The following RPS6KA2 variants were observed in gnomAD, a reference collection of about 807,000 sequenced individuals.
RPS6KA2 encodes the protein ribosomal protein S6 kinase alpha-2.
RPS6KA2 carries 42 observed loss-of-function variants against 91.8 expected under a neutral mutation model. The observed-to-expected ratio is 0.46, with a 90% confidence interval of 0.36 to 0.59. The LOEUF is 0.59. Among genes scored for constraint, RPS6KA2 ranks in the 20% least tolerant of loss-of-function variants. RPS6KA2 has a pLI of 0.00. For synonymous variants in RPS6KA2, 414 were observed against 393.6 expected (o/e 1.05, Z -0.61); for missense variants, 798 against 978.5 (o/e 0.82, Z 2.46).
intron 2 of RPS6KA2, among the ~76,000 whole-genome samples, chr6:166,682,805 C>T (rs193029924): frequency 3.3e-4 from 50 of 152,336 alleles, no homozygotes; most frequent in African/African-American, 1.1e-3. Flanking sequence ...ATGACCACCA[C>T]CTACCTCAGT....
At chr6:166,842,849 T>C (rs1422475290) in intron 2 of RPS6KA2, among the ~76,000 whole-genome samples, 1 of 152,188 alleles carries the variant, frequency 6.6e-6, no homozygotes, top group African/African-American at 2.4e-5. Context: ...TCGTGAACTT[T>C]TGTTCCAAGA....
Position 166,412,639 on chromosome 6 carries a change from G to GCC in RPS6KA2, c.*122_*123insGG. The GCC allele has an allele frequency of 1.0e-6, 1 of 988,844 alleles. No individual in the cohort carries two copies. The highest frequency in any genetic ancestry group is 1.8e-5 in the South Asian group (1 of 56,612). The allele number at this position is 988,844 out of a possible 1,614,324, so 61.3% of individuals were successfully genotyped here. On this transcript the variant is annotated 3_prime_UTR_variant, in exon 21 of 21. Coordinates refer to ENST00000265678, the MANE Select transcript of RPS6KA2 (RefSeq NM_021135.6). The surrounding 1 kb of genome is among the most constrained non-coding windows in gnomAD (Gnocchi z 4.3). ...CTGAAAAAGAAAACACGGACACGGCGAGGGCGGGCGCCGCCTCCCTGCTGG... is the reference window on the plus strand; with the variant it reads ...CTGAAAAAGAAAACACGGACACGGCGCCAGGGCGGGCGCCGCCTCCCTGCTGG...
Position 166,437,659 on chromosome 6 carries a change from G to T in RPS6KA2, c.1333-5169C>A, listed in dbSNP as rs35260027. On this transcript the variant is annotated intron_variant, in intron 14 of 20. Coordinates refer to ENST00000265678, the MANE Select transcript of RPS6KA2 (RefSeq NM_021135.6). The surrounding 1 kb of genome is among the most constrained non-coding windows in gnomAD (Gnocchi z 4.3). The stretch of plus-strand genomic sequence containing the variant: ...CTTCCTTAGAGATGCTGAGTCTAGG[G>T]GTCTGAATATCCACGAAGCAATTCT... Among the ~76,000 whole-genome samples, 19,196 of 152,166 alleles carry T rather than the reference G, an allele frequency of 0.13. 1,373 individuals are homozygous for T. The highest frequency in any genetic ancestry group is 0.19 in the Middle Eastern group (57 of 294).
intron 1 of RPS6KA2, among the ~76,000 whole-genome samples, chr6:166,572,990 A>T (rs1784735914): frequency 1.3e-5 from 2 of 152,202 alleles, no homozygotes; most frequent in African/African-American, 2.4e-5. Flanking sequence ...AAGGAAGAGA[A>T]AGGAGAGGCT....
intron 2 of RPS6KA2, among the ~76,000 whole-genome samples, chr6:166,667,076 G>A (rs1479789618): frequency 6.6e-6 from 1 of 152,220 alleles, no homozygotes; most frequent in Admixed American, 6.5e-5. Context: ...TGGAATGGTG[G>A]CACCAGAGGA....
intron 2 of RPS6KA2, among the ~76,000 whole-genome samples, chr6:166,830,663 C>G (rs1157370482): frequency 6.6e-6 from 1 of 152,166 alleles, no homozygotes; most frequent in East Asian, 1.9e-4. Context: ...CTAAATCTGC[C>G]TTAGCGTGTG....
At chr6:166,443,766 T>C (rs748179405) in intron 14 of RPS6KA2, among the ~76,000 whole-genome samples, 2 of 152,210 alleles carry the variant, frequency 1.3e-5, no homozygotes, top group Non-Finnish European at 2.9e-5. Context: ...TAAGTTTGTA[T>C]AATAAATCTG....
chr6:166,459,765 T>C lies in RPS6KA2; in HGVS notation c.973-214A>G, dbSNP rs1780214051. On this transcript the variant is annotated intron_variant, in intron 11 of 20. Coordinates refer to ENST00000265678, the MANE Select transcript of RPS6KA2 (RefSeq NM_021135.6). The surrounding 1 kb of genome is among the most constrained non-coding windows in gnomAD (Gnocchi z 4.9). ...ATGATAGATACTATGGCATATATAA[T>C]AACGATGTATTATAGAAAGGTATAG... is the stretch of plus-strand genomic sequence containing the variant. Among the ~76,000 whole-genome samples, 1 of 152,232 alleles carries C rather than the reference T, an allele frequency of 6.6e-6. No homozygotes were observed. The highest frequency in any genetic ancestry group is 1.5e-5 in the Non-Finnish European group (1 of 68,040).
chr6:166,810,377 T>C (rs1175277491), intron 2 of RPS6KA2, among the ~76,000 whole-genome samples: 2 of 152,014 alleles, frequency 1.3e-5, no homozygotes, highest in Non-Finnish European at 2.9e-5. Flanking sequence ...CAAAGTAACA[T>C]GGAAAGATCT....
chr6:166,801,590 T>C (rs951410229), intron 2 of RPS6KA2, among the ~76,000 whole-genome samples: 3 of 152,166 alleles, frequency 2.0e-5, no homozygotes, highest in Non-Finnish European at 2.9e-5. Flanking sequence ...CAAATGTTCC[T>C]CCTGCCTCAG....
chr6:166,607,042 T>A (rs555583818), intron 1 of RPS6KA2, among the ~76,000 whole-genome samples: 26 of 149,884 alleles, frequency 1.7e-4, no homozygotes, highest in African/African-American at 6.2e-4. Context: ...CTAGGGAGAC[T>A]GAGGCAGAAG....
At chr6:166,534,809 A>C (rs916271194) in intron 2 of RPS6KA2, among the ~76,000 whole-genome samples, 2 of 152,282 alleles carry the variant, frequency 1.3e-5, no homozygotes, top group Non-Finnish European at 2.9e-5. Flanking sequence ...CTGTGGGGCC[A>C]GGTACTGCGA....
intron 2 of RPS6KA2, among the ~76,000 whole-genome samples, chr6:166,693,202 G>A (rs1011332885): frequency 2.6e-5 from 4 of 152,178 alleles, no homozygotes; most frequent in Non-Finnish European, 4.4e-5. Context: ...ACCTGGCACC[G>A]CAGCTCGCAG....
intron 20 of RPS6KA2, among the ~76,000 whole-genome samples, chr6:166,413,119 CCCTGGCACTGTGCT>C (rs1778371234): frequency 6.6e-6 from 1 of 152,094 alleles, no homozygotes; most frequent in South Asian, 2.1e-4. Context: ...CCCCATGCCA[CCCTGGCACTGTGCT>C]TGTGCCTTGG....
chr6:166,826,023 A>G (rs1186699532), intron 2 of RPS6KA2, among the ~76,000 whole-genome samples: 1 of 152,198 alleles, frequency 6.6e-6, no homozygotes, highest in Admixed American at 6.5e-5. Context: ...AAGCACAACA[A>G]TGAGTCATTA....
At chr6:166,831,974 A>G (rs1476619636) in intron 2 of RPS6KA2, among the ~76,000 whole-genome samples, 2 of 152,036 alleles carry the variant, frequency 1.3e-5, no homozygotes, top group African/African-American at 4.8e-5. Flanking sequence ...ACATACGTAG[A>G]TAATAGATAC....
rs921321876 is a variant in RPS6KA2 at position 166,665,140 on chromosome 6, G to C, written c.124-126356C>G. Among the ~76,000 whole-genome samples, 1 of 151,788 alleles carries C rather than the reference G, an allele frequency of 6.6e-6. No homozygotes were observed. The highest frequency in any genetic ancestry group is 1.5e-5 in the Non-Finnish European group (1 of 67,906). ...AGCCTTCAGTCTCATAGCTGTCAGGGTGTTCAAGTTCTGCCTTCCATACAG... is the reference window on the plus strand; with the variant it reads ...AGCCTTCAGTCTCATAGCTGTCAGGCTGTTCAAGTTCTGCCTTCCATACAG... On this transcript the variant is annotated intron_variant, in intron 2 of 21. Transcript: ENST00000503859. This position sits in a 1 kb window ranked among gnomAD's most constrained non-coding sequence, Gnocchi z 4.5.
chr6:166,538,491 C>A (rs551643784), intron 2 of RPS6KA2, among the ~76,000 whole-genome samples, 177 bp downstream of exon 2: 23 of 152,274 alleles, frequency 1.5e-4, no homozygotes, highest in African/African-American at 5.3e-4. Context: ...ACAGCCCAGC[C>A]CTGTGCCACT....
chr6:166,542,953 C>T (rs1413709414), intron 1 of RPS6KA2, among the ~76,000 whole-genome samples: 1 of 152,146 alleles, frequency 6.6e-6, no homozygotes, highest in African/African-American at 2.4e-5. Flanking sequence ...TTCTATAAAT[C>T]GCAGATTCAC....
Sources: gnomAD v4.1 joint callset for allele counts (sites outside exome capture counted in the v4.1 genomes callset) on GRCh38, gnomAD v4.1.1 for gene constraint, Gnocchi (gnomAD v3.1) non-coding constraint, MANE v1.5 for transcripts, NCBI Gene and HGNC (gene_info 2026-07-23, HGNC 2026-07-21) for gene names.